Variants in PRIM2 observed in about 807,000 individuals in gnomAD.
PRIM2 encodes DNA primase subunit 2.
A neutral mutation model predicts 67.3 loss-of-function variants in PRIM2; 39 were observed. The observed-to-expected ratio is 0.58, with a 90% CI of 0.45 to 0.76. The LOEUF (loss-of-function observed/expected upper bound fraction) is 0.76. PRIM2 is among the 30% of genes least tolerant of loss of function. The probability of loss-of-function intolerance (pLI) is 0.00; values close to 1 mark genes in which losing one functional copy is unlikely to be tolerated. For missense variants in PRIM2, 398 were observed against 598.7 expected, an observed-to-expected ratio of 0.66 and a Z score of 3.50; for synonymous variants, 143 against 198.7, an observed-to-expected ratio of 0.72 and a Z score of 2.36.
Position 57,612,167 on chromosome 6 carries a change from G to A in PRIM2, c.1230+5710G>A, listed in dbSNP as rs1264384194. 2.7e-4 allele frequency among the ~76,000 whole-genome samples: 41 copies of A among 152,144 alleles called. 1 individual carries two copies. Among genetic ancestry groups the A allele is most frequent in the African/African-American group, 9.7e-4 (40 of 41,438 alleles). Reference sequence around the variant, plus strand: ...GCAAGTCATAGAGTCACTTTGAAAAGGAGTGTGGCAATTTCTTATAAAGTG... The same window carrying A: ...GCAAGTCATAGAGTCACTTTGAAAAAGAGTGTGGCAATTTCTTATAAAGTG... On this transcript the variant is annotated intron_variant, in intron 12 of 13. Transcript: ENST00000615550.
intron 5 of PRIM2, among the ~76,000 whole-genome samples, chr6:57,366,834 T>G (rs1053527664): frequency 6.6e-6 from 1 of 151,988 alleles, no homozygotes; most frequent in Admixed American, 6.6e-5. Context: ...CTGGCTAGGG[T>G]GGAGGAAAAA....
chr6:57,338,092 A>C (rs2127290451), intron 5 of PRIM2, among the ~76,000 whole-genome samples: 1 of 151,838 alleles, frequency 6.6e-6, no homozygotes, highest in African/African-American at 2.4e-5. Flanking sequence ...CTATGCAAAT[A>C]AACTAGAAAA....
intron 7 of PRIM2, chr6:57,390,025 C>CA (rs1770278354): frequency 6.5e-6 from 1 of 154,696 alleles, no homozygotes; most frequent in African/African-American, 2.4e-5. Context: ...GATATGCAAG[C>CA]ATAACATGCT....
the PRIM2 span, among the ~76,000 whole-genome samples, chr6:57,260,899 A>G: frequency 6.6e-6 from 1 of 152,222 alleles, no homozygotes; most frequent in African/African-American, 2.4e-5. Flanking sequence ...TATTGCGGAT[A>G]TGACTGTTCA....
At chr6:57,488,387 A>G (rs1317955308) in intron 7 of PRIM2, among the ~76,000 whole-genome samples, 1 of 152,198 alleles carries the variant, frequency 6.6e-6, no homozygotes, top group Non-Finnish European at 1.5e-5. Flanking sequence ...TCTGCAAAGT[A>G]GTCTACTCCA....
At chr6:57,357,918 G>A (rs1769088138) in intron 5 of PRIM2, among the ~76,000 whole-genome samples, 1 of 152,026 alleles carries the variant, frequency 6.6e-6, no homozygotes, top group African/African-American at 2.4e-5. Context: ...ACTTGTACTT[G>A]AGGGTTATCA....
intron 5 of PRIM2, among the ~76,000 whole-genome samples, chr6:57,330,572 A>G (rs1209960350): frequency 1.3e-5 from 2 of 151,890 alleles, no homozygotes; most frequent in East Asian, 3.9e-4. Flanking sequence ...TATGTTTACT[A>G]CAGAGATATT....
chr6:57,317,090 G>A (rs1327332272), upstream of PRIM2, among the ~76,000 whole-genome samples: 1 of 152,174 alleles, frequency 6.6e-6, no homozygotes, highest in East Asian at 1.9e-4. Context: ...CGAGGATCTT[G>A]TAACTTGTTT....
At chr6:57,267,960 G>A in the PRIM2 span, among the ~76,000 whole-genome samples, 1 of 151,960 alleles carries the variant, frequency 6.6e-6, no homozygotes, top group African/African-American at 2.4e-5. Flanking sequence ...TAAGGTTGTT[G>A]AGCTATGGGC....
intron 7 of PRIM2, among the ~76,000 whole-genome samples, chr6:57,425,285 T>C (rs1230724854): frequency 6.6e-6 from 1 of 152,216 alleles, no homozygotes; most frequent in African/African-American, 2.4e-5. Context: ...TCGCCCAGGC[T>C]GGAGTGCAGT....
At position 57,392,021 on chromosome 6, in the gene PRIM2, C is replaced by G. The variant is rs570362557; in HGVS notation, c.693+9853C>G. 5.6e-4 allele frequency among the ~76,000 whole-genome samples: 85 copies of G among 152,146 alleles called. 1 individual carries two copies. Among genetic ancestry groups the G allele is most frequent in the Non-Finnish European group, 9.0e-4 (61 of 68,008 alleles). On this transcript the variant is annotated intron_variant, in intron 7 of 13. Coordinates refer to ENST00000615550, the MANE Select transcript of PRIM2 (RefSeq NM_000947.5). The stretch of plus-strand genomic sequence containing the variant: ...CTGTCCATGAGCATGGGATGTTTTT[C>G]CATTTATTTGTGTATCTCTGATTTC...
At chr6:57,288,155 G>A in the PRIM2 span, among the ~76,000 whole-genome samples, 1 of 152,140 alleles carries the variant, frequency 6.6e-6, no homozygotes, top group Non-Finnish European at 1.5e-5. Context: ...CCACTCCCAC[G>A]GAGCCTTGTT....
chr6:57,309,628 G>T, the PRIM2 span, among the ~76,000 whole-genome samples: 5 of 152,010 alleles, frequency 3.3e-5, no homozygotes, highest in African/African-American at 1.2e-4. Flanking sequence ...ATAAACATAC[G>T]TGTGCATGTG....
intron 7 of PRIM2, among the ~76,000 whole-genome samples, chr6:57,474,171 A>ATTT (rs1773409106): frequency 8.8e-6 from 1 of 113,164 alleles, no homozygotes; most frequent in African/African-American, 3.3e-5. Flanking sequence ...CAATTCTGCT[A>ATTT]TCTTTTTTTT....
intron 4 of PRIM2, 52 bp downstream of exon 4, chr6:57,324,332 A>G: frequency 8.5e-7 from 1 of 1,171,066 alleles, no homozygotes; most frequent in Admixed American, 2.0e-5. Context: ...TGGGTTATAA[A>G]TTGGTGTGTG....
At chr6:57,614,569 G>C (rs1163035854) in intron 12 of PRIM2, among the ~76,000 whole-genome samples, 10 of 152,160 alleles carry the variant, frequency 6.6e-5, no homozygotes, top group Non-Finnish European at 1.0e-4. Context: ...GGTGTACGTT[G>C]GCTGGGTGTG....
intron 12 of PRIM2, among the ~76,000 whole-genome samples, chr6:57,611,035 G>T (rs1776656759): frequency 1.3e-5 from 2 of 152,096 alleles, no homozygotes; most frequent in Admixed American, 6.5e-5. Context: ...TGGAAAAGAA[G>T]AAAGAAAACC....
At chr6:57,335,455 C>T (rs9475851) in intron 5 of PRIM2, among the ~76,000 whole-genome samples, 19,189 of 151,536 alleles carry the variant, frequency 0.13, 1,360 homozygotes, top group African/African-American at 0.18. Context: ...CAGACTTAAA[C>T]GTCCCTGTCT....
the PRIM2 span, among the ~76,000 whole-genome samples, chr6:57,298,908 C>T: frequency 6.6e-6 from 1 of 152,126 alleles, no homozygotes; most frequent in Non-Finnish European, 1.5e-5. Context: ...CCTATTCTCC[C>T]TTATTCCATC....
Sources: allele counts gnomAD v4.1 joint callset (sites outside exome capture counted in the v4.1 genomes callset), GRCh38; gene constraint gnomAD v4.1.1; transcripts MANE v1.5; gene names NCBI Gene and HGNC (gene_info 2026-07-23, HGNC 2026-07-21).